The following MSH3 variants were observed in gnomAD, a reference collection of about 807,000 sequenced individuals.
MSH3 encodes mutS homolog 3, also known as DNA mismatch repair protein Msh3.
MSH3 carries 106 observed loss-of-function variants against 123.3 expected under a neutral mutation model. The ratio of observed to expected loss-of-function variants is 0.86; its 90% CI spans 0.73 to 1.01. The LOEUF (loss-of-function observed/expected upper bound fraction) is 1.01, where lower values mean the gene tolerates loss of function less well. Ranked by LOEUF, MSH3 falls within the 50% of genes least tolerant of loss-of-function variation. The pLI is 0.00. For missense variants in MSH3, 1,459 were observed against 1,347.6 expected, an observed-to-expected ratio of 1.08 and a Z score of -1.29; for synonymous variants, 515 against 481.4, an observed-to-expected ratio of 1.07 and a Z score of -0.91.
At chr5:80,825,752 A>G (rs1371089588) in intron 20 of MSH3, among the ~76,000 whole-genome samples, 1 of 152,250 alleles carries the variant, frequency 6.6e-6, no homozygotes, top group Non-Finnish European at 1.5e-5. Flanking sequence ...TGATATTTCT[A>G]TATATTCTCC....
At chr5:80,669,723 A>G (rs1375467606) in intron 3 of MSH3, among the ~76,000 whole-genome samples, 1 of 152,228 alleles carries the variant, frequency 6.6e-6, no homozygotes, top group Non-Finnish European at 1.5e-5. Flanking sequence ...AGAGAGAGCC[A>G]GATTTGTCCC....
chr5:80,724,375 A>AAT lies in MSH3; in HGVS notation c.1341-1078_1341-1077insAT, dbSNP rs1296914353. Among the ~76,000 whole-genome samples the AAT allele has an allele frequency of 1.1e-4, 7 of 63,706 alleles. No individual in the cohort carries two copies. The South Asian group carries it at 1.3e-3, about 12-fold the overall frequency. The allele number at this position is 63,706 out of a possible 152,430, so 41.8% of individuals were successfully genotyped here. ...TAAAATCATCTCAGTTTTATAATGTAGTAATATATAATGAGCATATATTAT... is the reference window on the plus strand; with the variant it reads ...TAAAATCATCTCAGTTTTATAATGTAATGTAATATATAATGAGCATATATTAT... On this transcript the variant is annotated intron_variant, in intron 8 of 23. Transcript: ENST00000265081.
chr5:80,851,575 T>C (rs1034145446), intron 20 of MSH3, among the ~76,000 whole-genome samples: 1 of 152,192 alleles, frequency 6.6e-6, no homozygotes, highest in Non-Finnish European at 1.5e-5. Context: ...GTAAGTTTTT[T>C]CTCAGTTTGT....
intron 3 of MSH3, 49 bp from the exon 4 acceptor site, chr5:80,670,048 A>C: frequency 6.4e-7 from 1 of 1,553,850 alleles, no homozygotes; most frequent in African/African-American, 1.4e-5. Context: ...CTGGGAACTT[A>C]TTATTGTGGT....
At position 80,795,086 on chromosome 5, in the gene MSH3, T is replaced by C. The variant is rs6151859; in HGVS notation, c.2655+2242T>C. Reference sequence around the variant, plus strand: ...GAGATGTAGGGGAGCATTTGGAATGTAGATCAGAGAAAGCTCAGAGTAGTA... The same window carrying C: ...GAGATGTAGGGGAGCATTTGGAATGCAGATCAGAGAAAGCTCAGAGTAGTA... On this transcript the variant is annotated intron_variant, in intron 19 of 23. Transcript: ENST00000265081. Among the ~76,000 whole-genome samples, 349 of 152,292 alleles carry C rather than the reference T, an allele frequency of 2.3e-3. 2 individuals are homozygous for C. The highest frequency in any genetic ancestry group is 6.7e-3 in the African/African-American group (279 of 41,580).
intron 20 of MSH3, among the ~76,000 whole-genome samples, chr5:80,839,553 G>A (rs1290946025): frequency 1.5e-4 from 23 of 152,018 alleles, no homozygotes; most frequent in Admixed American, 1.5e-3. Context: ...ACTGGAATTG[G>A]GAAAGAAGGA....
intron 12 of MSH3, among the ~76,000 whole-genome samples, chr5:80,759,403 G>C (rs532448372): frequency 6.6e-6 from 1 of 152,230 alleles, no homozygotes; most frequent in South Asian, 2.1e-4. Flanking sequence ...GTAGGGAAGA[G>C]GAAAATAACC....
intron 11 of MSH3, among the ~76,000 whole-genome samples, chr5:80,741,845 A>G (rs1743621006): frequency 6.6e-6 from 1 of 152,110 alleles, no homozygotes; most frequent in African/African-American, 2.4e-5. Context: ...ATCACTGAAA[A>G]TATGAAGCGG....
chr5:80,691,461 C>T (rs1000531583), intron 8 of MSH3, among the ~76,000 whole-genome samples: 2 of 150,340 alleles, frequency 1.3e-5, no homozygotes, highest in Non-Finnish European at 3.0e-5. Context: ...TGGAAAGATG[C>T]AACACGTTCA....
intron 20 of MSH3, among the ~76,000 whole-genome samples, chr5:80,822,065 A>G (rs1429207387): frequency 6.6e-6 from 1 of 152,202 alleles, no homozygotes; most frequent in Non-Finnish European, 1.5e-5. Flanking sequence ...TCTTGCTAAT[A>G]TTAATTACCT....
At chr5:80,698,776 G>C (rs1163212577) in intron 8 of MSH3, among the ~76,000 whole-genome samples, 5 of 150,846 alleles carry the variant, frequency 3.3e-5, no homozygotes, top group Admixed American at 1.3e-4. Context: ...CACAGGAAGG[G>C]GAACCTCACA....
chr5:80,678,412 A>G (rs770870911), intron 7 of MSH3, among the ~76,000 whole-genome samples: 1 of 152,232 alleles, frequency 6.6e-6, no homozygotes, highest in Admixed American at 6.5e-5. Context: ...TTGATAAAGT[A>G]TACATTTTAT....
chr5:80,810,800 G>T (rs1400374555), intron 19 of MSH3, among the ~76,000 whole-genome samples: 1 of 151,978 alleles, frequency 6.6e-6, no homozygotes, highest in African/African-American at 2.4e-5. Context: ...TCTGTGTAGA[G>T]ACTTGCTCAT....
At chr5:80,657,174 C>T (rs983335107) in intron 2 of MSH3, among the ~76,000 whole-genome samples, 6 of 152,130 alleles carry the variant, frequency 3.9e-5, no homozygotes, top group South Asian at 4.1e-4. Flanking sequence ...GGCGCAGGGG[C>T]TCACACCTGT....
chr5:80,774,599 T>C (rs1275389652), intron 15 of MSH3, among the ~76,000 whole-genome samples: 1 of 152,166 alleles, frequency 6.6e-6, no homozygotes, highest in Non-Finnish European at 1.5e-5. Flanking sequence ...GAAGCTGTAG[T>C]ATGTAATCAC....
intron 15 of MSH3, 49 bp from the exon 16 acceptor site, chr5:80,775,645 T>C (rs1181634097): frequency 9.3e-7 from 1 of 1,074,286 alleles, no homozygotes; most frequent in East Asian, 2.5e-5. Context: ...AGCTTTAAAA[T>C]ATATAATGGT....
intron 20 of MSH3, among the ~76,000 whole-genome samples, chr5:80,845,125 G>T (rs1277865462): frequency 6.6e-6 from 1 of 152,124 alleles, no homozygotes; most frequent in Non-Finnish European, 1.5e-5. Context: ...GCATTTGGTT[G>T]TCTGTGAAGG....
chr5:80,782,337 A>G (rs933974252), intron 17 of MSH3, among the ~76,000 whole-genome samples: 1 of 130,636 alleles, frequency 7.7e-6, no homozygotes, highest in Non-Finnish European at 1.6e-5. Flanking sequence ...TAGCATCTAT[A>G]CTGAACACAT....
chr5:80,654,757 C>T lies in MSH3; in HGVS notation c.30C>T (p.Gly10=), dbSNP rs2112796969. 1.2e-6 allele frequency: 2 copies of T among 1,603,286 alleles called. No homozygotes were observed. The highest frequency in any genetic ancestry group is 1.7e-6 in the Non-Finnish European group (2 of 1,176,292). The part of the protein sequence containing the change: MSRRKPASG[G]LAASSSAPAR... Reference sequence around the variant, plus strand: ...CTCGCCGGAAGCCTGCGTCGGGCGGCCTCGCTGCCTCCAGCTCAGCCCCTG... The same window carrying T: ...CTCGCCGGAAGCCTGCGTCGGGCGGTCTCGCTGCCTCCAGCTCAGCCCCTG... The change falls in exon 1 of 24, where the codon GGC becomes GGT. Residue 10 remains glycine (G), a synonymous_variant. Transcript: ENST00000265081.
Sources: gnomAD v4.1 joint callset for allele counts (sites outside exome capture counted in the v4.1 genomes callset) on GRCh38, gnomAD v4.1.1 for gene constraint, MANE v1.5 for transcripts, NCBI Gene and HGNC (gene_info 2026-07-23, HGNC 2026-07-21) for gene names.